Variants in PHACTR2 observed in about 807,000 individuals in gnomAD.
PHACTR2 encodes phosphatase and actin regulator 2.
In PHACTR2, 30 loss-of-function variants were observed where a neutral mutation model predicts 76.0. The observed-to-expected ratio is 0.39, with a 90% CI of 0.30 to 0.54. The LOEUF (loss-of-function observed/expected upper bound fraction) is 0.54. Ranked by LOEUF, PHACTR2 falls within the 20% of genes least tolerant of loss-of-function variation. The pLI is 0.61. For missense variants in PHACTR2, 696 were observed against 781.1 expected, an observed-to-expected ratio of 0.89 and a Z score of 1.30; for synonymous variants, 292 against 292.5, an observed-to-expected ratio of 1.00 and a Z score of 0.02.
chr6:143,791,591 A>G lies in PHACTR2; in HGVS notation c.1845+2681A>G, dbSNP rs532771066. Among the ~76,000 whole-genome samples, 4 of 152,318 alleles carry G rather than the reference A, an allele frequency of 2.6e-5. No individual in the cohort carries two copies. Among genetic ancestry groups the G allele is most frequent in the East Asian group, 1.9e-4 (1 of 5,192 alleles). ...GTGTGCAAATTTTCCTGTAAGATCA[A>G]TCTTGCTAGTTCTATTCAGATTTCT... is the stretch of plus-strand genomic sequence containing the variant. On this transcript the variant is annotated intron_variant, in intron 11 of 12. Coordinates refer to ENST00000440869, the MANE Select transcript of PHACTR2 (RefSeq NM_001100164.2). The surrounding 1 kb of genome is among the most constrained non-coding windows in gnomAD (Gnocchi z 4.7).
At chr6:143,609,567 G>A (rs1161219193) in intron 1 of PHACTR2, among the ~76,000 whole-genome samples, 1 of 152,110 alleles carries the variant, frequency 6.6e-6, no homozygotes. Flanking sequence ...ATAAAAGCAG[G>A]TAGGTATGGT....
In PHACTR2 at chr6:143,616,418, T is replaced by C. The variant is rs1179582363; in HGVS notation, c.13+8096T>C. Among the ~76,000 whole-genome samples, 3 of 152,218 alleles carry C rather than the reference T, an allele frequency of 2.0e-5. No homozygotes were observed. The highest frequency in any genetic ancestry group is 7.2e-5 in the African/African-American group (3 of 41,456). On this transcript the variant is annotated intron_variant, in intron 1 of 11. Coordinates refer to the PHACTR2 transcript ENST00000305766. This position sits in a 1 kb window ranked among gnomAD's most constrained non-coding sequence, Gnocchi z 4.9. Reference sequence around the variant, plus strand: ...AACCTGTATCTTCTGTTATTTTCCATGTATCCTCTACATCTACCAGTCTGT... The same window carrying C: ...AACCTGTATCTTCTGTTATTTTCCACGTATCCTCTACATCTACCAGTCTGT...
At position 143,546,145 on chromosome 6, in the gene PHACTR2, A is replaced by G. The variant is rs112122340; in HGVS notation, c.217+8938A>G. 6.6e-6 allele frequency among the ~76,000 whole-genome samples: 1 copy of G among 152,216 alleles called. No homozygotes were observed. Among genetic ancestry groups the G allele is most frequent in the Non-Finnish European group, 1.5e-5 (1 of 68,042 alleles). On this transcript the variant is annotated intron_variant, in intron 1 of 11. Transcript: ENST00000367584. This position sits in a 1 kb window ranked among gnomAD's most constrained non-coding sequence, Gnocchi z 4.9. ...TTTAAAATACCATGCTGAGTGACTCATTATCTTTGATCACACTTGCTGAAA... is the reference window on the plus strand; with the variant it reads ...TTTAAAATACCATGCTGAGTGACTCGTTATCTTTGATCACACTTGCTGAAA...
Position 143,754,060 on chromosome 6 carries a change from A to T in PHACTR2, c.454+148A>T. The T allele has an allele frequency of 2.2e-6, 1 of 453,764 alleles. No individual in the cohort carries two copies. The highest frequency in any genetic ancestry group is 3.9e-5 in the Admixed American group (1 of 25,328). The allele number at this position is 453,764 out of a possible 1,614,324, so 28.1% of individuals were successfully genotyped here. On this transcript the variant is annotated intron_variant, in intron 4 of 12. Transcript: ENST00000440869. This position sits in a 1 kb window ranked among gnomAD's most constrained non-coding sequence, Gnocchi z 6.2. The stretch of plus-strand genomic sequence containing the variant: ...AAAAAAGAAAGAAATGATAACTAGT[A>T]AAGTGAAATCGGATGATTTTCTCAG...
In PHACTR2 at chr6:143,550,735, AAAAC is replaced by A. The variant is rs754502417; in HGVS notation, c.217+13540_217+13543del. On this transcript the variant is annotated intron_variant, in intron 1 of 11. Coordinates refer to the PHACTR2 transcript ENST00000367584. This position sits in a 1 kb window ranked among gnomAD's most constrained non-coding sequence, Gnocchi z 4.8. ...AGATTTAAAAAAACAAACAACAACA[AAAAC>A]AAACAAACAAAGATTAGGGGCGAGT... Among the ~76,000 whole-genome samples, 173 of 152,170 alleles carry A rather than the reference AAAAC, an allele frequency of 1.1e-3. 4 individuals carry two copies. The highest frequency in any genetic ancestry group is 2.1e-3 in the Non-Finnish European group (140 of 67,966).
intron 1 of PHACTR2, among the ~76,000 whole-genome samples, chr6:143,635,879 C>G (rs976980518): frequency 6.6e-6 from 1 of 152,002 alleles, no homozygotes; most frequent in Admixed American, 6.6e-5. Flanking sequence ...GATTTTGTAT[C>G]CCATTTAGAA....
chr6:143,776,671 T>C lies in PHACTR2; in HGVS notation c.1590-657T>C, dbSNP rs899800425. On this transcript the variant is annotated intron_variant, in intron 8 of 12. Transcript: ENST00000440869. The surrounding 1 kb of genome is among the most constrained non-coding windows in gnomAD (Gnocchi z 5.3). ...AACCACTGCAGTTTTTGGTCTCTGC[T>C]ACAGCTTAGCTTATAGTCTAATTAA... is the stretch of plus-strand genomic sequence containing the variant. 2.0e-5 allele frequency among the ~76,000 whole-genome samples: 3 copies of C among 152,134 alleles called. No individual in the cohort carries two copies. The highest frequency in any genetic ancestry group is 4.4e-5 in the Non-Finnish European group (3 of 68,026).
rs148272204 is a variant in PHACTR2, at chr6:143,634,551, T to C, written c.13+26229T>C. Among the ~76,000 whole-genome samples, 256 of 152,342 alleles carry C rather than the reference T, an allele frequency of 1.7e-3. 3 individuals are homozygous for C. Among genetic ancestry groups the C allele is most frequent in the African/African-American group, 5.6e-3 (233 of 41,580 alleles). ...GCCTTGTGCTACTGATCAGTTTGTG[T>C]TCATTGTACCATAAGTGTTTACAAC... On this transcript the variant is annotated intron_variant, in intron 1 of 11. Coordinates refer to the PHACTR2 transcript ENST00000305766.
chr6:143,824,811 A>T lies in PHACTR2; in HGVS notation c.*1122A>T, dbSNP rs943917323. ...AAAAAAGGACACAGATCAAAAAAAC[A>T]CCCAAAGGCTTAACAGAACATGGAA... On this transcript the variant is annotated 3_prime_UTR_variant, in exon 13 of 13. Transcript: ENST00000440869. This position sits in a 1 kb window ranked among gnomAD's most constrained non-coding sequence, Gnocchi z 6.3. 2.0e-5 allele frequency: 3 copies of T among 152,380 alleles called. No individual in the cohort carries two copies. The highest frequency in any genetic ancestry group is 7.2e-5 in the African/African-American group (3 of 41,416). The allele number at this position is 152,380 out of a possible 1,614,324, so 9.4% of individuals were successfully genotyped here. A position where few individuals can be genotyped will look rare whatever the true frequency, so the allele number is the denominator to read the frequency against.
intron 9 of PHACTR2, among the ~76,000 whole-genome samples, chr6:143,778,949 T>A (rs1337937871): frequency 6.6e-6 from 1 of 152,226 alleles, no homozygotes; most frequent in East Asian, 1.9e-4. Context: ...TTATATCCCA[T>A]TTTCCTGGAG....
chr6:143,608,258 C>T lies in PHACTR2; in HGVS notation c.-52C>T. The T allele has an allele frequency of 2.5e-6, 4 of 1,609,120 alleles. No individual in the cohort carries two copies. The South Asian group carries it at 3.3e-5, about 13-fold the overall frequency. On this transcript the variant is annotated 5_prime_UTR_variant, in exon 1 of 12. Coordinates refer to the PHACTR2 transcript ENST00000305766. This position sits in a 1 kb window ranked among gnomAD's most constrained non-coding sequence, Gnocchi z 4.6. ...CAGGGTGCTTCGTTAGTCAGAAGAGCCAGGGCTTCCCGGCTGCCAGGCTAC... is the reference window on the plus strand; with the variant it reads ...CAGGGTGCTTCGTTAGTCAGAAGAGTCAGGGCTTCCCGGCTGCCAGGCTAC...
chr6:143,605,232 A>G (rs1345212827), upstream of PHACTR2, among the ~76,000 whole-genome samples: 1 of 152,146 alleles, frequency 6.6e-6, no homozygotes, highest in African/African-American at 2.4e-5. The surrounding 1 kb of genome is among the most constrained non-coding windows in gnomAD (Gnocchi z 5.0). Context: ...AGCCTCAAAC[A>G]AGTTTGTCGA....
chr6:143,668,713 G>A (rs1242549529), intron 1 of PHACTR2, among the ~76,000 whole-genome samples: 1 of 152,166 alleles, frequency 6.6e-6, no homozygotes, highest in Admixed American at 6.5e-5. Context: ...TGTAGGATCA[G>A]TGGTAATATC....
At chr6:143,779,087 C>T (rs1416829916) in intron 9 of PHACTR2, among the ~76,000 whole-genome samples, 2 of 152,110 alleles carry the variant, frequency 1.3e-5, no homozygotes, top group African/African-American at 4.8e-5. Flanking sequence ...TGATAACTGG[C>T]TTATGATTTC....
Position 143,777,346 on chromosome 6 carries a change from C to A in PHACTR2, c.1608C>A (p.Pro536=). 1.2e-6 allele frequency: 2 copies of A among 1,601,760 alleles called. No individual in the cohort carries two copies. The highest frequency in any genetic ancestry group is 1.7e-6 in the Non-Finnish European group (2 of 1,170,474). ...ATCATAGGAGGCTGAGCCAGAGGCC[C>A]ACAACTGAAGAATTAGAGCAAAGAA... is the stretch of plus-strand genomic sequence containing the variant. ...TKLVRRLSQR[P]TTEELEQRNI... Residue 536 remains proline, a synonymous_variant, in exon 9 of 13, where the codon CCC becomes CCA. Transcript: ENST00000440869. The surrounding 1 kb of genome is among the most constrained non-coding windows in gnomAD (Gnocchi z 4.6).
chr6:143,672,149 A>G lies in PHACTR2; in HGVS notation c.14-39867A>G. On this transcript the variant is annotated intron_variant, in intron 1 of 11. Transcript: ENST00000305766. The surrounding 1 kb of genome is among the most constrained non-coding windows in gnomAD (Gnocchi z 5.8). ...GGATCTCAAAGTTTTCTGACACTTG[A>G]GTGTGCTGTTGGTTGGACTACATGT... Among the ~76,000 whole-genome samples, 1 of 152,132 alleles carries G rather than the reference A, an allele frequency of 6.6e-6. No individual in the cohort carries two copies. The highest frequency in any genetic ancestry group is 1.9e-4 in the East Asian group (1 of 5,200).
In PHACTR2 at chr6:143,678,001, G is replaced by C. The variant is rs1777285704; in HGVS notation, c.-163G>C. ...AGGATCCGCCGCGCCGGCTGCGGCC[G>C]GCCGGGCTGGGAGACCCGCGCGGGG... is the stretch of plus-strand genomic sequence containing the variant. On this transcript the variant is annotated 5_prime_UTR_variant, in exon 1 of 13. Transcript: ENST00000440869. The surrounding 1 kb of genome is among the most constrained non-coding windows in gnomAD (Gnocchi z 6.2). The C allele has an allele frequency of 9.0e-6, 13 of 1,439,846 alleles. No individual in the cohort carries two copies. The highest frequency in any genetic ancestry group is 1.2e-5 in the Non-Finnish European group (13 of 1,091,522). The allele number at this position is 1,439,846 out of a possible 1,614,324, so 89.2% of individuals were successfully genotyped here.
In PHACTR2 at chr6:143,664,961, G is replaced by A. The variant is rs566328011; in HGVS notation, c.14-47055G>A. Among the ~76,000 whole-genome samples, 1 of 151,986 alleles carries A rather than the reference G, an allele frequency of 6.6e-6. No homozygotes were observed. Among genetic ancestry groups the A allele is most frequent in the South Asian group, 2.1e-4 (1 of 4,800 alleles). ...TTACAGGCACCTGCCACCACACCCG[G>A]CTATTTTCTTGTATTTTTAGTAGAG... On this transcript the variant is annotated intron_variant, in intron 1 of 11. Coordinates refer to the PHACTR2 transcript ENST00000305766. The surrounding 1 kb of genome is among the most constrained non-coding windows in gnomAD (Gnocchi z 5.1).
intron 1 of PHACTR2, among the ~76,000 whole-genome samples, chr6:143,579,717 C>T (rs1775551463): frequency 6.6e-6 from 1 of 151,918 alleles, no homozygotes; most frequent in Admixed American, 6.6e-5. Flanking sequence ...AGACGATCAG[C>T]GGGAAGAATG....
Sources: gnomAD v4.1 joint callset for allele counts (sites outside exome capture counted in the v4.1 genomes callset) on GRCh38, gnomAD v4.1.1 for gene constraint, Gnocchi (gnomAD v3.1) non-coding constraint, MANE v1.5 for transcripts, NCBI Gene and HGNC (gene_info 2026-07-23, HGNC 2026-07-21) for gene names.